Variants in LMBRD1 observed in about 807,000 individuals in gnomAD.
The protein encoded by LMBRD1 is lysosomal cobalamin transport escort protein LMBD1.
Under a neutral mutation model 74.8 loss-of-function variants are expected in LMBRD1, and 64 were observed. The observed-to-expected ratio is 0.86, with a 90% CI of 0.70 to 1.05. The LOEUF is 1.05. Ranked by LOEUF, LMBRD1 falls within the 50% of genes least tolerant of loss-of-function variation. The pLI is 0.00. For missense variants in LMBRD1, 652 were observed against 645.9 expected, an observed-to-expected ratio of 1.01 and a Z score of -0.10; for synonymous variants, 204 against 216.3, an observed-to-expected ratio of 0.94 and a Z score of 0.50.
intron 2 of LMBRD1, among the ~76,000 whole-genome samples, chr6:69,782,211 C>T (rs1462331983): frequency 6.6e-6 from 1 of 152,216 alleles, no homozygotes; most frequent in African/African-American, 2.4e-5. Context: ...GACAATACTA[C>T]TTGTCCAACA....
intron 9 of LMBRD1, 21 bp downstream of exon 9, chr6:69,713,624 A>G: frequency 6.2e-7 from 1 of 1,612,698 alleles, no homozygotes; most frequent in Non-Finnish European, 8.5e-7. Context: ...TGACAGCATA[A>G]TTTTTAAAAA....
Position 69,701,514 on chromosome 6 carries a change from C to T in LMBRD1, c.1012G>A (p.Asp338Asn), listed in dbSNP as rs770269966. The change falls in exon 11 of 16, where the codon GAT becomes AAT. Residue 338 changes from aspartate to asparagine, a missense_variant. Physicochemically the swap from Asp to Asn is conservative, Grantham distance 23. Transcript: ENST00000649934. ...GCTCCAAAAATTATGAAACCAGAATCTATTCCAGCTGAATGAAGAGCTTTA... is the reference window on the plus strand; with the variant it reads ...GCTCCAAAAATTATGAAACCAGAATTTATTCCAGCTGAATGAAGAGCTTTA... ...LDKALHSAGIDSGFIIFGANL... is the reference protein window; with the variant it reads ...LDKALHSAGINSGFIIFGANL... The T allele has an allele frequency of 2.6e-5, 42 of 1,606,476 alleles. No individual in the cohort carries two copies. In the Admixed American group the frequency reaches 4.9e-4, roughly 19 times the overall value.
At chr6:69,765,912 A>AT (rs1285422229) in intron 3 of LMBRD1, among the ~76,000 whole-genome samples, 1 of 151,724 alleles carries the variant, frequency 6.6e-6, no homozygotes, top group Non-Finnish European at 1.5e-5. Flanking sequence ...GTTCATCTGA[A>AT]TTGTCTGTTT....
chr6:69,714,249 T>C (rs1319713281), intron 8 of LMBRD1, among the ~76,000 whole-genome samples: 1 of 151,992 alleles, frequency 6.6e-6, no homozygotes, highest in Non-Finnish European at 1.5e-5. Flanking sequence ...CCAATTCAAA[T>C]GCTAGCAGAA....
At chr6:69,768,494 TTC>T (rs1765515369) in intron 3 of LMBRD1, among the ~76,000 whole-genome samples, 1 of 151,990 alleles carries the variant, frequency 6.6e-6, no homozygotes, top group Non-Finnish European at 1.5e-5. Context: ...GCTCTAATAC[TTC>T]TTTTTCTTTG....
Position 69,790,633 on chromosome 6 carries a change from T to C in LMBRD1, c.70-161A>G, listed in dbSNP as rs1019728141. 4.4e-6 allele frequency: 3 copies of C among 682,308 alleles called. No homozygotes were observed. The African/African-American group carries it at 5.4e-5, about 12-fold the overall frequency. The allele number at this position is 682,308 out of a possible 1,614,324, so 42.3% of individuals were successfully genotyped here. ...CCCTTAAAAACTTGTCCAAGATGTA[T>C]AATTTTCAAAGCCTACTTCATGAAT... On this transcript the variant is annotated intron_variant, in intron 1 of 15. Coordinates refer to ENST00000649934, the MANE Select transcript of LMBRD1 (RefSeq NM_018368.4).
chr6:69,796,796 C>T lies in LMBRD1; in HGVS notation c.69+17G>A. On this transcript the variant is annotated intron_variant, in intron 1 of 15. Transcript: ENST00000649934. ...CCCCAGTCCAAACATGGGGAAAACT[C>T]CAAGCGCCTCCCCTACCAGTAGTAA... is the stretch of plus-strand genomic sequence containing the variant. The T allele has an allele frequency of 6.2e-7, 1 of 1,612,526 alleles. No homozygotes were observed. Among genetic ancestry groups the T allele is most frequent in the Non-Finnish European group, 8.5e-7 (1 of 1,179,158 alleles).
intron 3 of LMBRD1, among the ~76,000 whole-genome samples, chr6:69,768,875 C>T (rs1765522935): frequency 6.6e-6 from 1 of 151,494 alleles, no homozygotes; most frequent in Non-Finnish European, 1.5e-5. Context: ...CATTTTAGTG[C>T]CCTCTGGTGT....
chr6:69,780,277 C>T (rs954865336), intron 3 of LMBRD1, among the ~76,000 whole-genome samples: 2 of 151,954 alleles, frequency 1.3e-5, no homozygotes, highest in Non-Finnish European at 2.9e-5. Flanking sequence ...TTTTGGAGCT[C>T]CCCTCCCTCT....
intron 3 of LMBRD1, among the ~76,000 whole-genome samples, chr6:69,760,624 T>C (rs11970363): frequency 0.48 from 73,071 of 152,090 alleles, 18,248 homozygotes; most frequent in African/African-American, 0.61. Flanking sequence ...CTGATAACCC[T>C]GCTTCTGTAT....
At chr6:69,725,828 A>G (rs1338393368) in intron 7 of LMBRD1, among the ~76,000 whole-genome samples, 2 of 152,218 alleles carry the variant, frequency 1.3e-5, no homozygotes, top group East Asian at 3.8e-4. Context: ...TGGTCTGGAT[A>G]AAGCTTCTTA....
intron 12 of LMBRD1, 36 bp downstream of exon 12, chr6:69,700,729 T>C (rs755654020): frequency 3.1e-5 from 41 of 1,327,838 alleles, no homozygotes; most frequent in Non-Finnish European, 3.8e-5. Context: ...ACACACAAAA[T>C]GATGAGAAAA....
At chr6:69,767,829 T>C (rs1180373170) in intron 3 of LMBRD1, among the ~76,000 whole-genome samples, 1 of 151,956 alleles carries the variant, frequency 6.6e-6, no homozygotes, top group African/African-American at 2.4e-5. Context: ...ATTGGTGAAT[T>C]ATCTATTTTG....
intron 3 of LMBRD1, among the ~76,000 whole-genome samples, chr6:69,777,444 CAAAA>C (rs71741122): frequency 2.9e-5 from 3 of 104,158 alleles, no homozygotes; most frequent in African/African-American, 4.2e-5. Flanking sequence ...GACTCTGTTG[CAAAA>C]AAAAAAAAAA....
intron 14 of LMBRD1, among the ~76,000 whole-genome samples, chr6:69,696,500 T>C (rs1242586697): frequency 6.6e-6 from 1 of 152,138 alleles, no homozygotes; most frequent in Non-Finnish European, 1.5e-5. Context: ...TCTGCCTTCC[T>C]CCCTCCAACC....
chr6:69,793,619 C>CGTG (rs1561923398), intron 1 of LMBRD1, among the ~76,000 whole-genome samples: 3 of 151,558 alleles, frequency 2.0e-5, no homozygotes, highest in African/African-American at 4.9e-5. Flanking sequence ...AGATTACAGG[C>CGTG]ATGAGATACC....
intron 2 of LMBRD1, among the ~76,000 whole-genome samples, chr6:69,783,892 G>GC (rs1237222139): frequency 6.6e-6 from 1 of 152,128 alleles, no homozygotes; most frequent in African/African-American, 2.4e-5. Context: ...AAGTCTGAAG[G>GC]TTAACTTGAA....
intron 6 of LMBRD1, among the ~76,000 whole-genome samples, chr6:69,738,621 C>A (rs1410777215): frequency 6.6e-6 from 1 of 151,960 alleles, no homozygotes. Flanking sequence ...CACACACACA[C>A]ACACACACAA....
At chr6:69,792,011 CA>C (rs1340172572) in intron 1 of LMBRD1, among the ~76,000 whole-genome samples, 1 of 152,204 alleles carries the variant, frequency 6.6e-6, no homozygotes, top group Non-Finnish European at 1.5e-5. Context: ...CTACCAGCAC[CA>C]TGGCAGTTCC....
Sources: allele counts gnomAD v4.1 joint callset (sites outside exome capture counted in the v4.1 genomes callset), GRCh38; gene constraint gnomAD v4.1.1; transcripts MANE v1.5; gene names NCBI Gene and HGNC (gene_info 2026-07-23, HGNC 2026-07-21).